Variants in ABCA13 observed in about 807,000 individuals in gnomAD.
The protein encoded by ABCA13 is ATP-binding cassette sub-family A member 13.
Under a neutral mutation model 478.7 loss-of-function variants are expected in ABCA13, and 476 were observed. The ratio of observed to expected loss-of-function variants is 0.99; its 90% CI spans 0.92 to 1.07. The LOEUF is 1.07. Ranked by LOEUF, ABCA13 falls within the 50% of genes least tolerant of loss-of-function variation. The pLI is 0.00. For missense variants in ABCA13, 6,060 were observed against 5,910.6 expected (o/e 1.03, Z -0.83); for synonymous variants, 2,252 against 2,158.9 (o/e 1.04, Z -1.20).
At chr7:48,395,564 G>A (rs995041235) in intron 38 of ABCA13, among the ~76,000 whole-genome samples, 2 of 151,996 alleles carry the variant, frequency 1.3e-5, no homozygotes, top group African/African-American at 2.4e-5. Context: ...TCCTCTGCCT[G>A]ACCTGCCTCA....
chr7:48,536,180 A>T (rs988454148), intron 55 of ABCA13, among the ~76,000 whole-genome samples: 2 of 152,038 alleles, frequency 1.3e-5, no homozygotes, highest in African/African-American at 4.8e-5. Context: ...AATTCTCCTT[A>T]TTGCTTTCCT....
At chr7:48,347,431 C>T (rs1333457632) in intron 29 of ABCA13, among the ~76,000 whole-genome samples, 1 of 152,202 alleles carries the variant, frequency 6.6e-6, no homozygotes, top group Non-Finnish European at 1.5e-5. Context: ...TTGAGAAGTG[C>T]AATGCAACAA....
intron 7 of ABCA13, among the ~76,000 whole-genome samples, chr7:48,233,782 A>G (rs1789531794): frequency 6.6e-6 from 1 of 152,178 alleles, no homozygotes; most frequent in Non-Finnish European, 1.5e-5. Context: ...ATGTTTTAAA[A>G]TTATCTTCTG....
At chr7:48,177,409 T>C (rs1373886467) in intron 1 of ABCA13, among the ~76,000 whole-genome samples, 3 of 152,136 alleles carry the variant, frequency 2.0e-5, no homozygotes, top group Non-Finnish European at 4.4e-5. Flanking sequence ...GGGTCAGTAG[T>C]GGGGCTGGGG....
chr7:48,246,067 A>T, intron 13 of ABCA13, 37 bp downstream of exon 13: 1 of 1,572,398 alleles, frequency 6.4e-7, no homozygotes. Context: ...CTAAGGGCAC[A>T]AATTTAAGAT....
chr7:48,471,553 C>G lies in ABCA13; in HGVS notation c.12929C>G (p.Thr4310Arg). 1 of 1,562,934 alleles carries G rather than the reference C, an allele frequency of 6.4e-7. No individual in the cohort carries two copies. The highest frequency in any genetic ancestry group is 8.7e-7 in the Non-Finnish European group (1 of 1,151,602). ...AGGAAGAATTCTTCATGCTGGCGCACAGATCCCTTTTCTCACCCAGAATTC... is the reference window on the plus strand; with the variant it reads ...AGGAAGAATTCTTCATGCTGGCGCAGAGATCCCTTTTCTCACCCAGAATTC... ...PRQKNSSCWRTDPFSHPEFQD... is the reference protein window; with the variant it reads ...PRQKNSSCWRRDPFSHPEFQD... The change falls in exon 45 of 62, where the codon ACA (threonine) becomes AGA (arginine). Residue 4310 changes from threonine (T) to arginine (R), a missense_variant. Around this residue, in one of 3 missense-constraint regions of ABCA13, gnomAD observed 1,627 missense variants for 1,571.0 expected, o/e 1.04. Coordinates refer to ENST00000435803, the MANE Select transcript of ABCA13 (RefSeq NM_152701.5).
At chr7:48,201,805 T>C (rs1432439192) in intron 3 of ABCA13, among the ~76,000 whole-genome samples, 1 of 152,250 alleles carries the variant, frequency 6.6e-6, no homozygotes, top group Non-Finnish European at 1.5e-5. Context: ...TCTCACTGAC[T>C]TCAAGAATGA....
At chr7:48,220,103 C>T (rs1169850653) in intron 4 of ABCA13, among the ~76,000 whole-genome samples, 1 of 152,112 alleles carries the variant, frequency 6.6e-6, no homozygotes, top group Non-Finnish European at 1.5e-5. Flanking sequence ...TAAAGAACAT[C>T]CACATTATAA....
chr7:48,489,392 T>C (rs879020724), intron 48 of ABCA13, 48 bp downstream of exon 48: 5 of 1,452,596 alleles, frequency 3.4e-6, no homozygotes, highest in South Asian at 2.6e-5. Flanking sequence ...CAAAAGACAA[T>C]GTTTTTAAAA....
rs369999071 is a variant in ABCA13 at position 48,594,779 on chromosome 7, C to T, written c.14710C>T (p.Arg4904Trp). 2.4e-4 allele frequency: 392 copies of T among 1,613,762 alleles called. No homozygotes were observed. The highest frequency in any genetic ancestry group is 3.3e-4 in the Middle Eastern group (2 of 6,084). ...GTGGCAAACAATAATGAAGGAGGTT[C>T]GGGAAGGCTGTGCTGCGGTGCTGAC... ...YLWQTIMKEVREGCAAVLTSH... is the reference protein window; with the variant it reads ...YLWQTIMKEVWEGCAAVLTSH... The change falls in exon 58 of 62, where the codon CGG becomes TGG. Residue 4904 changes from arginine to tryptophan, a missense_variant. Physicochemically the swap from Arg to Trp is moderately radical, Grantham distance 101. Coordinates refer to ENST00000435803, the MANE Select transcript of ABCA13 (RefSeq NM_152701.5).
intron 23 of ABCA13, 115 bp downstream of exon 23, chr7:48,298,602 A>G (rs1339624776): frequency 3.2e-6 from 4 of 1,255,762 alleles, no homozygotes; most frequent in Non-Finnish European, 4.2e-6. Flanking sequence ...TGGCTAGTGT[A>G]GTGGGTTGCT....
chr7:48,228,322 AC>A (rs555359699), intron 6 of ABCA13, among the ~76,000 whole-genome samples: 94 of 152,150 alleles, frequency 6.2e-4, no homozygotes, highest in Middle Eastern at 3.4e-3. Context: ...GAGCCCACAC[AC>A]CCTGATTCCC....
intron 48 of ABCA13, among the ~76,000 whole-genome samples, chr7:48,502,011 C>A (rs1278442558): frequency 6.6e-6 from 1 of 152,134 alleles, no homozygotes; most frequent in African/African-American, 2.4e-5. Flanking sequence ...CCAAGCTAGA[C>A]CACTTCATGG....
chr7:48,313,693 G>T (rs959691694), intron 25 of ABCA13, among the ~76,000 whole-genome samples: 13 of 152,200 alleles, frequency 8.5e-5, no homozygotes, highest in African/African-American at 2.9e-4. Context: ...GGTTTTGTTT[G>T]AACTCTTTTT....
At chr7:48,604,103 C>A (rs1284993938) in intron 58 of ABCA13, among the ~76,000 whole-genome samples, 1 of 152,008 alleles carries the variant, frequency 6.6e-6, no homozygotes, top group Non-Finnish European at 1.5e-5. Flanking sequence ...TTTATTGCAT[C>A]TATTTGATTC....
chr7:48,501,638 C>T (rs1432141133), intron 48 of ABCA13, among the ~76,000 whole-genome samples: 2 of 152,066 alleles, frequency 1.3e-5, no homozygotes, highest in African/African-American at 4.8e-5. Flanking sequence ...CTTCTAAGAC[C>T]TAAGTAGAGA....
At chr7:48,392,272 T>A in intron 38 of ABCA13, 133 bp downstream of exon 38, 2 of 873,580 alleles carry the variant, frequency 2.3e-6, no homozygotes, top group Non-Finnish European at 3.5e-6. Flanking sequence ...AAATGGTTGT[T>A]AACTATGGAA....
chr7:48,638,743 C>T (rs117066333), intron 59 of ABCA13, among the ~76,000 whole-genome samples: 2,604 of 152,214 alleles, frequency 0.017, 37 homozygotes, highest in Non-Finnish European at 0.024. Context: ...AAGAAAAAAT[C>T]TCCTGATCTC....
At chr7:48,172,567 G>T (rs908173040) in intron 1 of ABCA13, among the ~76,000 whole-genome samples, 1 of 151,832 alleles carries the variant, frequency 6.6e-6, no homozygotes, top group African/African-American at 2.4e-5. Context: ...AGGCCGAGGC[G>T]GGCGGATCAC....
Sources: allele counts gnomAD v4.1 joint callset (sites outside exome capture counted in the v4.1 genomes callset), GRCh38; gene constraint gnomAD v4.1.1; regional missense constraint gnomAD v4.1.1; transcripts MANE v1.5; gene names NCBI Gene and HGNC (gene_info 2026-07-23, HGNC 2026-07-21).